Variants in HNRNPA2B1 observed in about 807,000 individuals in gnomAD.
The protein encoded by HNRNPA2B1 is heterogeneous nuclear ribonucleoproteins A2/B1.
HNRNPA2B1 carries 3 observed loss-of-function variants against 46.3 expected under a neutral mutation model. The observed-to-expected ratio is 0.06, with a 90% CI of 0.03 to 0.17. The LOEUF is 0.17. HNRNPA2B1 is among the 10% of genes least tolerant of loss of function. The pLI is 1.00. For synonymous variants in HNRNPA2B1, 225 were observed against 133.8 expected (o/e 1.68, Z -4.70); for missense variants, 221 against 418.9 (o/e 0.53, Z 4.12).
chr7:26,194,510 G>A (rs1027857672), intron 7 of HNRNPA2B1, among the ~76,000 whole-genome samples: 1 of 150,862 alleles, frequency 6.6e-6, no homozygotes, highest in African/African-American at 2.5e-5. Context: ...ACCAGCCAGG[G>A]CAACACAGCA....
At position 26,191,658 on chromosome 7, in the gene HNRNPA2B1, G is replaced by A. The variant is rs992523749; in HGVS notation, c.*702C>T. The A allele has an allele frequency of 6.6e-6, 1 of 152,100 alleles. No individual in the cohort carries two copies. The highest frequency in any genetic ancestry group is 2.4e-5 in the African/African-American group (1 of 41,422). 9.4% of individuals were successfully genotyped at this position (152,100 alleles called of 1,614,324 possible). On this transcript the variant is annotated 3_prime_UTR_variant, in exon 11 of 11. Coordinates refer to ENST00000618183, the MANE Select transcript of HNRNPA2B1 (RefSeq NM_002137.4). ...AAGCAGCATCTAAAAGATCTAAAAA[G>A]GTGTTTCTCCTTGCAGAGATATCCC... is the stretch of plus-strand genomic sequence containing the variant.
In HNRNPA2B1 at chr7:26,192,339, C is replaced by CCA; in HGVS notation, c.*22-2_*22-1insTG. 1.7e-6 allele frequency: 1 copy of CCA among 605,342 alleles called. No individual in the cohort carries two copies. The highest frequency in any genetic ancestry group is 2.9e-6 in the Non-Finnish European group (1 of 340,960). The allele number at this position is 605,342 out of a possible 1,614,324, so 37.5% of individuals were successfully genotyped here. A position where few individuals can be genotyped will look rare whatever the true frequency, so the allele number is the denominator to read the frequency against. ...TCCTCTCCTATTTATACAGTGAAGC[C>CCA]TGTTTCAACAGAAGTAAAGAGTAAA... On this transcript the variant is annotated splice_acceptor_variant, in intron 10 of 10. Coordinates refer to ENST00000618183, the MANE Select transcript of HNRNPA2B1 (RefSeq NM_002137.4). LOFTEE classifies it low-confidence loss of function (3UTR_SPLICE).
chr7:26,200,447 C>G, intron 1 of HNRNPA2B1, 125 bp downstream of exon 1: 1 of 924,744 alleles, frequency 1.1e-6, no homozygotes, highest in Non-Finnish European at 1.8e-6. Flanking sequence ...ACCTTAAGCC[C>G]CACTGCTACT....
In HNRNPA2B1 at chr7:26,193,289, A is replaced by G; in HGVS notation, c.926T>C (p.Phe309Ser). The change falls in exon 9 of 11, where the codon TTT (phenylalanine) becomes TCT (serine). Residue 309 changes from phenylalanine (F) to serine (S), a missense_variant. Phe to Ser is a radical substitution (Grantham distance 155). This residue lies in a region of HNRNPA2B1 where 143 missense variants were observed against 200.5 expected (regional missense o/e 0.71). Coordinates refer to ENST00000618183, the MANE Select transcript of HNRNPA2B1 (RefSeq NM_002137.4). ...SNYGPMKSGN[F>S]GGSRNMGGPY... Reference sequence around the variant, plus strand: ...TCCCCCCATGTTCCTGCTACCACCAAAGTTTCCACTCTTCATTGGACCGTA... The same window carrying G: ...TCCCCCCATGTTCCTGCTACCACCAGAGTTTCCACTCTTCATTGGACCGTA... 6.2e-7 allele frequency: 1 copy of G among 1,613,674 alleles called. No homozygotes were observed. The highest frequency in any genetic ancestry group is 8.5e-7 in the Non-Finnish European group (1 of 1,179,668).
chr7:26,191,384 G>A lies in HNRNPA2B1; in HGVS notation c.*976C>T, dbSNP rs1451132458. The A allele has an allele frequency of 6.6e-6, 1 of 152,106 alleles. No homozygotes were observed. Among genetic ancestry groups the A allele is most frequent in the Non-Finnish European group, 1.5e-5 (1 of 68,000 alleles). The allele number at this position is 152,106 out of a possible 1,614,324, so 9.4% of individuals were successfully genotyped here. On this transcript the variant is annotated 3_prime_UTR_variant, in exon 11 of 11. Coordinates refer to ENST00000618183, the MANE Select transcript of HNRNPA2B1 (RefSeq NM_002137.4). ...TAAGAGTATTAGTTTATCTTTTAGG[G>A]AGGAAAATTAAGAAAGGAAAAGTAA... is the stretch of plus-strand genomic sequence containing the variant.
At chr7:26,200,169 G>C in intron 1 of HNRNPA2B1, 1 of 239,638 alleles carries the variant, frequency 4.2e-6, no homozygotes, top group East Asian at 9.3e-5. Flanking sequence ...CGGGAGAGAG[G>C]GGGAGGGGAA....
At chr7:26,195,073 A>T (rs1029490571) in intron 7 of HNRNPA2B1, among the ~76,000 whole-genome samples, 1 of 144,620 alleles carries the variant, frequency 6.9e-6, no homozygotes. Flanking sequence ...AGCCTGGGTG[A>T]CAGAGCAAGG....
At position 26,191,989 on chromosome 7, in the gene HNRNPA2B1, C is replaced by T. The variant is rs141587177; in HGVS notation, c.*371G>A. ...AGCTTTTCAAAACTTTGAGAAAAAT[C>T]TTAAAAAAGGTTTCACATGTCACCT... is the stretch of plus-strand genomic sequence containing the variant. On this transcript the variant is annotated 3_prime_UTR_variant, in exon 11 of 11. Coordinates refer to ENST00000618183, the MANE Select transcript of HNRNPA2B1 (RefSeq NM_002137.4). The T allele has an allele frequency of 6.5e-6, 1 of 152,740 alleles. No homozygotes were observed. Among genetic ancestry groups the T allele is most frequent in the East Asian group, 1.9e-4 (1 of 5,176 alleles). The allele number at this position is 152,740 out of a possible 1,614,324, so 9.5% of individuals were successfully genotyped here.
chr7:26,196,158 G>A (rs550642952), intron 6 of HNRNPA2B1, among the ~76,000 whole-genome samples: 1 of 152,196 alleles, frequency 6.6e-6, no homozygotes, highest in East Asian at 1.9e-4. Context: ...CACTTGATGG[G>A]GGTCAAAGCT....
intron 9 of HNRNPA2B1, 129 bp from the exon 10 acceptor site, chr7:26,192,706 C>T: frequency 1.3e-6 from 1 of 752,666 alleles, no homozygotes; most frequent in Non-Finnish European, 2.3e-6. Flanking sequence ...CCTTTGCAGC[C>T]AGTTAGCAGA....
intron 2 of HNRNPA2B1, 80 bp downstream of exon 2, chr7:26,197,542 C>T (rs948453303): frequency 7.7e-6 from 12 of 1,562,900 alleles, no homozygotes; most frequent in Non-Finnish European, 1.1e-5. Flanking sequence ...TTTTACTATG[C>T]TGATAGTTAT....
Position 26,192,262 on chromosome 7 carries a change from T to TA in HNRNPA2B1, c.*97dup. ...TGCATGACTGAGATAAGAGTTTCCT[T>TA]AACATTGTTATTTCGATAACCTGAA... On this transcript the variant is annotated 3_prime_UTR_variant, in exon 11 of 11. Transcript: ENST00000618183. 2.2e-6 allele frequency: 1 copy of TA among 454,596 alleles called. No homozygotes were observed. Among genetic ancestry groups the TA allele is most frequent in the East Asian group, 3.6e-5 (1 of 27,606 alleles). The allele number at this position is 454,596 out of a possible 1,614,324, so 28.2% of individuals were successfully genotyped here.
At chr7:26,199,816 G>A (rs1784157955) in intron 1 of HNRNPA2B1, 1 of 152,068 alleles carries the variant, frequency 6.6e-6, no homozygotes, top group African/African-American at 2.4e-5. Flanking sequence ...CATTGAACCC[G>A]GCCCGACGCC....
chr7:26,190,215 A>G lies in HNRNPA2B1; in HGVS notation c.*2145T>C, dbSNP rs1212288257. The G allele has an allele frequency of 6.6e-6, 1 of 152,654 alleles. No individual in the cohort carries two copies. Among genetic ancestry groups the G allele is most frequent in the Non-Finnish European group, 1.5e-5 (1 of 68,022 alleles). The allele number at this position is 152,654 out of a possible 1,614,324, so 9.5% of individuals were successfully genotyped here. On this transcript the variant is annotated 3_prime_UTR_variant, in exon 11 of 11. Coordinates refer to ENST00000618183, the MANE Select transcript of HNRNPA2B1 (RefSeq NM_002137.4). The stretch of plus-strand genomic sequence containing the variant: ...CACAAAACCTAATTTAAAACATGAT[A>G]CATTTATCTCTCTAGCCAATTTGAT...
Position 26,190,970 on chromosome 7 carries a change from C to G in HNRNPA2B1, c.*1390G>C, listed in dbSNP as rs1562692280. 1 of 152,576 alleles carries G rather than the reference C, an allele frequency of 6.6e-6. No homozygotes were observed. Among genetic ancestry groups the G allele is most frequent in the Non-Finnish European group, 1.5e-5 (1 of 68,008 alleles). The allele number at this position is 152,576 out of a possible 1,614,324, so 9.5% of individuals were successfully genotyped here. A position where few individuals can be genotyped will look rare whatever the true frequency, so the allele number is the denominator to read the frequency against. ...ATGGGAAATCTCATGATTTATTGAA[C>G]TTGCAGCCTAACTTTTACCTACCAT... On this transcript the variant is annotated 3_prime_UTR_variant, in exon 11 of 11. Transcript: ENST00000618183.
At chr7:26,198,725 T>TA (rs969705697) in intron 1 of HNRNPA2B1, 2 of 152,174 alleles carry the variant, frequency 1.3e-5, no homozygotes, top group African/African-American at 4.8e-5. Context: ...TTAACTAGGT[T>TA]AAAAAACCTC....
intron 1 of HNRNPA2B1, chr7:26,198,795 G>A (rs560817485): frequency 2.0e-5 from 3 of 152,196 alleles, no homozygotes; most frequent in Non-Finnish European, 4.4e-5. Context: ...AAACTAAAAA[G>A]TCACACGTAA....
intron 7 of HNRNPA2B1, among the ~76,000 whole-genome samples, chr7:26,194,135 C>G (rs1475864774): frequency 2.6e-5 from 4 of 152,142 alleles, no homozygotes; most frequent in Non-Finnish European, 4.4e-5. Context: ...GTGGCTCATG[C>G]CTGTAATCCC....
Position 26,191,731 on chromosome 7 carries a change from T to C in HNRNPA2B1, c.*629A>G, listed in dbSNP as rs1245553482. ...TCCTGATGAATTGCAGACAACACAC[T>C]TACATCTGACCAGCATTTATCTTAT... is the stretch of plus-strand genomic sequence containing the variant. On this transcript the variant is annotated 3_prime_UTR_variant, in exon 11 of 11. Transcript: ENST00000618183. 1 of 152,320 alleles carries C rather than the reference T, an allele frequency of 6.6e-6. No individual in the cohort carries two copies. The highest frequency in any genetic ancestry group is 1.5e-5 in the Non-Finnish European group (1 of 68,018). 9.4% of individuals were successfully genotyped at this position (152,320 alleles called of 1,614,324 possible).
Sources: gnomAD v4.1 joint callset for allele counts (sites outside exome capture counted in the v4.1 genomes callset) on GRCh38, gnomAD v4.1.1 for gene constraint, gnomAD v4.1.1 regional missense constraint, MANE v1.5 for transcripts, NCBI Gene and HGNC (gene_info 2026-07-23, HGNC 2026-07-21) for gene names.